HEMK1: variants seen among roughly 807,000 people sequenced by gnomAD.
HEMK1 encodes HemK methyltransferase 1, mitochondrial release factors N(5)-glutamine.
HEMK1 carries 36 observed loss-of-function variants against 47.9 expected under a neutral mutation model. The ratio of observed to expected loss-of-function variants is 0.75; its 90% CI spans 0.58 to 0.99. The LOEUF (loss-of-function observed/expected upper bound fraction) is 0.99. Among genes scored for constraint, HEMK1 ranks in the 50% least tolerant of loss-of-function variants. The pLI is 0.00. For missense variants in HEMK1, 383 were observed against 434.5 expected, an observed-to-expected ratio of 0.88 and a Z score of 1.05; for synonymous variants, 153 against 165.4, an observed-to-expected ratio of 0.93 and a Z score of 0.57.
At chr3:50,576,080 G>A (rs550913773) in intron 4 of HEMK1, among the ~76,000 whole-genome samples, 1 of 152,366 alleles carries the variant, frequency 6.6e-6, no homozygotes, top group African/African-American at 2.4e-5. Flanking sequence ...ACCTATGCCT[G>A]TGTATGCCAC....
rs1024412939 is a variant in HEMK1, at chr3:50,580,673, C to G, written c.*256C>G. The G allele has an allele frequency of 3.6e-6, 2 of 562,606 alleles. No individual in the cohort carries two copies. Among genetic ancestry groups the G allele is most frequent in the African/African-American group, 3.8e-5 (2 of 52,944 alleles). 34.9% of individuals were successfully genotyped at this position (562,606 alleles called of 1,614,324 possible). ...GGCCAGTAAAGTATTGAGAGACTAA[C>G]AAATGGTGACCTAATGTTTTGTCCA... is the stretch of plus-strand genomic sequence containing the variant. On this transcript the variant is annotated 3_prime_UTR_variant, in exon 11 of 11. Transcript: ENST00000232854.
rs1167662571 is a variant in HEMK1, at chr3:50,583,417, C to T, written c.*3000C>T. On this transcript the variant is annotated 3_prime_UTR_variant, in exon 11 of 11. Transcript: ENST00000232854. ...TGACTTAAGTGTGTTCTCTTGTGTC[C>T]TATGGAATCCAGTTCTGAAGAGGTG... 6.6e-6 allele frequency: 1 copy of T among 152,258 alleles called. No individual in the cohort carries two copies. Among genetic ancestry groups the T allele is most frequent in the African/African-American group, 2.4e-5 (1 of 41,428 alleles). The allele number at this position is 152,258 out of a possible 1,614,324, so 9.4% of individuals were successfully genotyped here.
intron 4 of HEMK1, among the ~76,000 whole-genome samples, chr3:50,575,258 A>G (rs968876258): frequency 2.0e-5 from 3 of 152,134 alleles, no homozygotes; most frequent in Non-Finnish European, 1.5e-5. Flanking sequence ...CCCTGTCTCT[A>G]CTAAAAATAC....
At chr3:50,577,773 G>C in intron 6 of HEMK1, 53 bp from the exon 7 acceptor site, 1 of 1,575,752 alleles carries the variant, frequency 6.3e-7, no homozygotes, top group Non-Finnish European at 8.7e-7. Context: ...CATTCTTGTA[G>C]TGAAGGGTAG....
At chr3:50,572,294 A>AGTGCCCC in intron 4 of HEMK1, 86 bp downstream of exon 4, 1 of 1,503,432 alleles carries the variant, frequency 6.7e-7, no homozygotes, top group Non-Finnish European at 9.0e-7. Context: ...TCCAGGGGGC[A>AGTGCCCC]CTGGGGCCCC....
rs956187736 is a variant in HEMK1 at position 50,591,105 on chromosome 3, C to T, written c.*10688C>T. 2.0e-5 allele frequency: 3 copies of T among 152,154 alleles called. No homozygotes were observed. Among genetic ancestry groups the T allele is most frequent in the African/African-American group, 7.2e-5 (3 of 41,422 alleles). 9.4% of individuals were successfully genotyped at this position (152,154 alleles called of 1,614,324 possible). ...TCAGGCGAGGACACAGCATCTGGGACGAGTCCTTTCCTGCCAACAGCCTCC... is the reference window on the plus strand; with the variant it reads ...TCAGGCGAGGACACAGCATCTGGGATGAGTCCTTTCCTGCCAACAGCCTCC... On this transcript the variant is annotated 3_prime_UTR_variant, in exon 11 of 11. Coordinates refer to ENST00000232854, the MANE Select transcript of HEMK1 (RefSeq NM_016173.5).
Position 50,584,809 on chromosome 3 carries a change from TGTG to T in HEMK1, c.*4396_*4398del, listed in dbSNP as rs1227215259. On this transcript the variant is annotated 3_prime_UTR_variant, in exon 11 of 11. Coordinates refer to ENST00000232854, the MANE Select transcript of HEMK1 (RefSeq NM_016173.5). ...GCAGCCACGGGAAACGAATATAGAT[TGTG>T]GTGCCCAAATTAGAGTGCTGCTGTA... 2.0e-5 allele frequency: 3 copies of T among 152,208 alleles called. No homozygotes were observed. Among genetic ancestry groups the T allele is most frequent in the Non-Finnish European group, 4.4e-5 (3 of 68,034 alleles). 9.4% of individuals were successfully genotyped at this position (152,208 alleles called of 1,614,324 possible).
rs1390828168 is a variant in HEMK1 at position 50,581,929 on chromosome 3, G to A, written c.*1512G>A. 6.6e-6 allele frequency: 1 copy of A among 152,420 alleles called. No homozygotes were observed. The highest frequency in any genetic ancestry group is 2.4e-5 in the African/African-American group (1 of 41,456). 9.4% of individuals were successfully genotyped at this position (152,420 alleles called of 1,614,324 possible). On this transcript the variant is annotated 3_prime_UTR_variant, in exon 11 of 11. Coordinates refer to ENST00000232854, the MANE Select transcript of HEMK1 (RefSeq NM_016173.5). The stretch of plus-strand genomic sequence containing the variant: ...AGGAGGCTGCTCCAGAAGGAACCTG[G>A]GTGGGGAGGGCGAAGGGGGTGCACA...
intron 4 of HEMK1, among the ~76,000 whole-genome samples, 157 bp downstream of exon 4, chr3:50,572,365 C>G (rs949863899): frequency 6.6e-6 from 1 of 152,138 alleles, no homozygotes. Flanking sequence ...GTTGGCAGAG[C>G]CCAGAGGACA....
chr3:50,574,499 A>G (rs1415941789), intron 4 of HEMK1, among the ~76,000 whole-genome samples: 1 of 151,998 alleles, frequency 6.6e-6, no homozygotes, highest in Non-Finnish European at 1.5e-5. Flanking sequence ...GAGGTCTTTG[A>G]GTATCTCTGT....
At chr3:50,578,960 T>C in intron 8 of HEMK1, 34 bp downstream of exon 8, 2 of 1,497,144 alleles carry the variant, frequency 1.3e-6, no homozygotes, top group Admixed American at 1.8e-5. Context: ...AGGCCAGGCC[T>C]GAAAAGGCCT....
At chr3:50,571,414 A>G in intron 2 of HEMK1, 82 bp downstream of exon 2, 1 of 1,056,678 alleles carries the variant, frequency 9.5e-7, no homozygotes, top group South Asian at 1.6e-5. Context: ...TCTGTTCACT[A>G]AGAGTGCTTA....
rs2031584377 is a variant in HEMK1 at position 50,589,281 on chromosome 3, T to C, written c.*8864T>C. 1 of 152,218 alleles carries C rather than the reference T, an allele frequency of 6.6e-6. No individual in the cohort carries two copies. The highest frequency in any genetic ancestry group is 2.4e-5 in the African/African-American group (1 of 41,452). The allele number at this position is 152,218 out of a possible 1,614,324, so 9.4% of individuals were successfully genotyped here. On this transcript the variant is annotated 3_prime_UTR_variant, in exon 11 of 11. Coordinates refer to ENST00000232854, the MANE Select transcript of HEMK1 (RefSeq NM_016173.5). ...TGTGTCTGAAGCCCACCTTGCAGTCTCTTTGATTGACAGGGACAGCAAGAG... is the reference window on the plus strand; with the variant it reads ...TGTGTCTGAAGCCCACCTTGCAGTCCCTTTGATTGACAGGGACAGCAAGAG...
intron 8 of HEMK1, among the ~76,000 whole-genome samples, chr3:50,579,329 G>A (rs1036928890): frequency 6.6e-6 from 1 of 152,254 alleles, no homozygotes; most frequent in Non-Finnish European, 1.5e-5. Context: ...GTCTGTGGTC[G>A]CATGGGGGCT....
intron 4 of HEMK1, 69 bp downstream of exon 4, chr3:50,572,277 G>C (rs924820592): frequency 1.3e-6 from 2 of 1,558,546 alleles, no homozygotes; most frequent in African/African-American, 2.7e-5. Context: ...TCTTACCCCA[G>C]GCTTCCTCCA....
At position 50,591,177 on chromosome 3, in the gene HEMK1, T is replaced by C. The variant is rs747891078; in HGVS notation, c.*10760T>C. ...GAGGGCTGAGACCACCTTCCCAAAG[T>C]TGGGGAAGGGGTAACTGAGGCTGTC... is the stretch of plus-strand genomic sequence containing the variant. On this transcript the variant is annotated 3_prime_UTR_variant, in exon 11 of 11. Coordinates refer to ENST00000232854, the MANE Select transcript of HEMK1 (RefSeq NM_016173.5). 1 of 152,002 alleles carries C rather than the reference T, an allele frequency of 6.6e-6. No homozygotes were observed. Among genetic ancestry groups the C allele is most frequent in the Non-Finnish European group, 1.5e-5 (1 of 68,004 alleles). The allele number at this position is 152,002 out of a possible 1,614,324, so 9.4% of individuals were successfully genotyped here.
At chr3:50,578,319 T>C (rs1029566725) in intron 7 of HEMK1, among the ~76,000 whole-genome samples, 1 of 152,210 alleles carries the variant, frequency 6.6e-6, no homozygotes, top group African/African-American at 2.4e-5. Context: ...TCTGGCTCCA[T>C]TGCCTTACCC....
At chr3:50,574,251 G>A (rs1701328045) in intron 4 of HEMK1, among the ~76,000 whole-genome samples, 1 of 152,218 alleles carries the variant, frequency 6.6e-6, no homozygotes, top group Admixed American at 6.5e-5. Context: ...TTTTAGTCTT[G>A]CCGAAAGAGC....
chr3:50,571,342 A>G lies in HEMK1; in HGVS notation c.228+10A>G. On this transcript the variant is annotated intron_variant, in intron 2 of 10. Transcript: ENST00000232854. ...CCTTGGAGCCAAAACAGTTAAGTTT[A>G]GTGTTGTCAAGAGGACAGGAAGAGG... is the stretch of plus-strand genomic sequence containing the variant. 6.4e-7 allele frequency: 1 copy of G among 1,557,770 alleles called. No homozygotes were observed. Among genetic ancestry groups the G allele is most frequent in the South Asian group, 1.2e-5 (1 of 82,894 alleles).
Sources: allele counts gnomAD v4.1 joint callset (sites outside exome capture counted in the v4.1 genomes callset), GRCh38; gene constraint gnomAD v4.1.1; transcripts MANE v1.5; gene names NCBI Gene and HGNC (gene_info 2026-07-23, HGNC 2026-07-21).